LAMA2: variants seen among roughly 807,000 people sequenced by gnomAD.
LAMA2 encodes the protein laminin subunit alpha-2.
A neutral mutation model predicts 364.8 loss-of-function variants in LAMA2; 269 were observed. That is an observed-to-expected ratio of 0.74 (90% CI 0.67 to 0.82). LAMA2 has a LOEUF of 0.82. Among genes scored for constraint, LAMA2 ranks in the 40% least tolerant of loss-of-function variants. The probability of loss-of-function intolerance (pLI) is 0.00; values close to 1 mark genes in which losing one functional copy is unlikely to be tolerated. For synonymous variants in LAMA2, 1,379 were observed against 1,370.6 expected (o/e 1.01, Z -0.14); for missense variants, 3,807 against 3,873.2 (o/e 0.98, Z 0.45).
intron 3 of LAMA2, among the ~76,000 whole-genome samples, chr6:129,084,927 G>A (rs1026292460): frequency 6.6e-6 from 1 of 152,136 alleles, no homozygotes. Context: ...ATTACATGGT[G>A]TTCTGTTATC....
chr6:129,280,094 T>C lies in LAMA2; in HGVS notation c.2484T>C (p.Leu828=). 6.2e-7 allele frequency: 1 copy of C among 1,613,560 alleles called. No individual in the cohort carries two copies. The highest frequency in any genetic ancestry group is 8.5e-7 in the Non-Finnish European group (1 of 1,179,632). The change falls in exon 18 of 65, where the codon CTT becomes CTC. Residue 828 remains leucine (L), a synonymous_variant. Transcript: ENST00000421865. ...FSPTCHLDRS[L]GLICDGCPVG... is the part of the protein sequence containing the mutation. Reference sequence around the variant, plus strand: ...CAACGTGCCATTTAGACCGGAGTCTTGGATTGATCTGTGATGGATGCCCTG... The same window carrying C: ...CAACGTGCCATTTAGACCGGAGTCTCGGATTGATCTGTGATGGATGCCCTG...
chr6:129,172,608 G>A (rs1337027362), intron 9 of LAMA2, among the ~76,000 whole-genome samples: 1 of 152,228 alleles, frequency 6.6e-6, no homozygotes, highest in Non-Finnish European at 1.5e-5. Flanking sequence ...AGTCTGCAGA[G>A]GTTACTGCTG....
At chr6:129,089,875 T>G (rs934386252) in intron 3 of LAMA2, among the ~76,000 whole-genome samples, 8 of 152,172 alleles carry the variant, frequency 5.3e-5, no homozygotes, top group Non-Finnish European at 1.2e-4. Flanking sequence ...TGGACTAAAA[T>G]TGTGAGACCT....
At chr6:129,434,980 A>G (rs911048020) in intron 41 of LAMA2, among the ~76,000 whole-genome samples, 1 of 152,106 alleles carries the variant, frequency 6.6e-6, no homozygotes, top group Non-Finnish European at 1.5e-5. Context: ...GTTGGAATAT[A>G]CACATTGTAA....
intron 1 of LAMA2, among the ~76,000 whole-genome samples, chr6:128,982,465 A>G (rs1425017743): frequency 6.6e-6 from 1 of 152,188 alleles, no homozygotes. Context: ...TCTCAAAAAC[A>G]TAACATTGAG....
chr6:129,341,076 A>C (rs1776242525), intron 29 of LAMA2, among the ~76,000 whole-genome samples: 1 of 152,264 alleles, frequency 6.6e-6, no homozygotes, highest in African/African-American at 2.4e-5. Flanking sequence ...GTTTTAAACA[A>C]ACATTAATTC....
At chr6:129,197,801 G>C (rs1252137446) in intron 12 of LAMA2, among the ~76,000 whole-genome samples, 1 of 152,114 alleles carries the variant, frequency 6.6e-6, no homozygotes, top group Non-Finnish European at 1.5e-5. Context: ...AGCTATGATA[G>C]AATCTGCTGT....
intron 12 of LAMA2, among the ~76,000 whole-genome samples, chr6:129,235,043 TAAG>T (rs1278394820): frequency 6.6e-6 from 1 of 152,146 alleles, no homozygotes; most frequent in Non-Finnish European, 1.5e-5. Flanking sequence ...TCTGAAATGT[TAAG>T]AAGATAATTT....
chr6:129,313,185 CCTGCTT>C lies in LAMA2; in HGVS notation c.3411+90_3411+95del, dbSNP rs1183564054. ...TTAACTTCATTCAGTGTTTGTTATA[CCTGCTT>C]CATTAAGCTAAACAAACAGATGGAC... On this transcript the variant is annotated intron_variant, in intron 23 of 64. Coordinates refer to ENST00000421865, the MANE Select transcript of LAMA2 (RefSeq NM_000426.4). 1.1e-4 allele frequency: 85 copies of C among 789,922 alleles called. No homozygotes were observed. In the East Asian group the frequency reaches 2.1e-3, roughly 19 times the overall value. 48.9% of individuals were successfully genotyped at this position (789,922 alleles called of 1,614,324 possible).
chr6:129,314,550 G>C (rs1038892412), intron 23 of LAMA2, 105 bp from the exon 24 acceptor site: 18 of 1,022,898 alleles, frequency 1.8e-5, no homozygotes, highest in Non-Finnish European at 2.5e-5. Flanking sequence ...CTTCTGTTTT[G>C]TTTTAAATTT....
intron 1 of LAMA2, among the ~76,000 whole-genome samples, chr6:129,048,914 G>T (rs1490501413): frequency 3.3e-5 from 5 of 151,862 alleles, no homozygotes; most frequent in Non-Finnish European, 7.4e-5. Context: ...CACACCCGGC[G>T]AGGAATGACT....
chr6:129,098,251 G>A lies in LAMA2; in HGVS notation c.475G>A (p.Asp159Asn). 12 of 1,614,078 alleles carry A rather than the reference G, an allele frequency of 7.4e-6. 1 individual carries two copies. The South Asian group carries it at 1.3e-4, about 18-fold the overall frequency. The change falls in exon 4 of 65, where the codon GAT (aspartate) becomes AAT (asparagine). Residue 159 changes from aspartate to asparagine, a missense_variant. Asp to Asn is a conservative substitution (Grantham distance 23). Coordinates refer to ENST00000421865, the MANE Select transcript of LAMA2 (RefSeq NM_000426.4). ...AAACTGGATTTTGGAACGCTCTCTT[G>A]ATGATGTTGAATACAAGCCCTGGCA... ...PGNWILERSL[D>N]DVEYKPWQYH... is the part of the protein sequence containing the mutation.
At chr6:129,015,203 A>G (rs1784998006) in intron 1 of LAMA2, among the ~76,000 whole-genome samples, 1 of 152,108 alleles carries the variant, frequency 6.6e-6, no homozygotes. Context: ...GAATCTTCAG[A>G]GTTCACACCA....
Position 129,514,512 on chromosome 6 carries a change from G to A in LAMA2, c.9128G>A (p.Gly3043Glu), listed in dbSNP as rs762958440. The change falls in exon 64 of 65, where the codon GGG becomes GAG. Residue 3043 changes from glycine (G) to glutamate (E), a missense_variant. Transcript: ENST00000421865. ...CACCGCATTGAGCTCACAGTCGATGGGAACCAGGTGGAAGCCCAAAGCCCA... is the reference window on the plus strand; with the variant it reads ...CACCGCATTGAGCTCACAGTCGATGAGAACCAGGTGGAAGCCCAAAGCCCA... ...IKHRIELTVD[G>E]NQVEAQSPNP... 5 of 1,614,150 alleles carry A rather than the reference G, an allele frequency of 3.1e-6. No homozygotes were observed. Among genetic ancestry groups the A allele is most frequent in the South Asian group, 1.1e-5 (1 of 91,076 alleles).
At chr6:129,419,450 A>G (rs1780962096) in intron 40 of LAMA2, among the ~76,000 whole-genome samples, 1 of 152,104 alleles carries the variant, frequency 6.6e-6, no homozygotes, top group African/African-American at 2.4e-5. Flanking sequence ...ACCTTTACTC[A>G]AAACTAAGAC....
intron 4 of LAMA2, among the ~76,000 whole-genome samples, chr6:129,106,402 T>C (rs1055301567): frequency 6.6e-6 from 1 of 152,162 alleles, no homozygotes; most frequent in Non-Finnish European, 1.5e-5. Context: ...TGTGAGTTTG[T>C]ATGGAAATGA....
intron 1 of LAMA2, among the ~76,000 whole-genome samples, chr6:128,899,608 T>TC (rs1444685476): frequency 6.6e-6 from 1 of 152,078 alleles, no homozygotes; most frequent in Non-Finnish European, 1.5e-5. Context: ...GTGTACTTTT[T>TC]CCCCCTGATC....
intron 56 of LAMA2, 36 bp from the exon 57 acceptor site, chr6:129,491,865 G>A (rs779395756): frequency 1.3e-6 from 2 of 1,484,678 alleles, no homozygotes; most frequent in South Asian, 1.1e-5. Context: ...TGAATCAGAT[G>A]TGACTTATAC....
intron 3 of LAMA2, among the ~76,000 whole-genome samples, chr6:129,084,691 T>C (rs1774268809): frequency 6.6e-6 from 1 of 152,142 alleles, no homozygotes; most frequent in South Asian, 2.1e-4. Context: ...CTGCTGTTCC[T>C]TTTCACCATT....
Sources: gnomAD v4.1 joint callset for allele counts (sites outside exome capture counted in the v4.1 genomes callset) on GRCh38, gnomAD v4.1.1 for gene constraint, MANE v1.5 for transcripts, NCBI Gene and HGNC (gene_info 2026-07-23, HGNC 2026-07-21) for gene names.